The following ASMTL variants were observed in gnomAD, a reference collection of about 807,000 sequenced individuals.
ASMTL encodes the protein probable bifunctional dTTP/UTP pyrophosphatase/methyltransferase protein.
ASMTL carries 57 observed loss-of-function variants against 60.3 expected under a neutral mutation model. That is an observed-to-expected ratio of 0.95 (90% CI 0.76 to 1.18). The LOEUF is 1.18. ASMTL is among the 50% of genes most tolerant of loss of function. The probability of loss-of-function intolerance (pLI) is 0.00; values close to 1 mark genes in which losing one functional copy is unlikely to be tolerated. For synonymous variants in ASMTL, 419 were observed against 373.0 expected (o/e 1.12, Z -1.42); for missense variants, 981 against 852.6 (o/e 1.15, Z -1.88).
In ASMTL at chrX:1,431,584, T is replaced by C. The variant is rs185619928; in HGVS notation, c.509+685A>G. 1.9e-4 allele frequency among the ~76,000 whole-genome samples: 28 copies of C among 144,902 alleles called. 1 individual carries two copies. The East Asian group carries it at 5.3e-3, about 28-fold the overall frequency. On this transcript the variant is annotated intron_variant, in intron 6 of 12. Transcript: ENST00000381317. ...TATAATATCTATATGTAATATAGTA[T>C]ACATATTACAGTATAATCTATTATA...
chrX:1,453,100 T>G (rs182858022), upstream of ASMTL, among the ~76,000 whole-genome samples: 1 of 124,008 alleles, frequency 8.1e-6, no homozygotes, highest in African/African-American at 4.9e-5. Context: ...GCCACGCCCA[T>G]GTCACGCCCC....
intron 8 of ASMTL, among the ~76,000 whole-genome samples, chrX:1,422,214 C>T (rs1178179565): frequency 6.6e-6 from 1 of 152,122 alleles, no homozygotes; most frequent in Non-Finnish European, 1.5e-5. Flanking sequence ...TGTGCTGTAG[C>T]TGGCGTTTGC....
chrX:1,420,767 A>G (rs2090463892), intron 9 of ASMTL, among the ~76,000 whole-genome samples: 1 of 152,174 alleles, frequency 6.6e-6, no homozygotes, highest in Admixed American at 6.5e-5. Flanking sequence ...GAAACAGGGC[A>G]TTCATTTAAG....
At chrX:1,419,258 C>T (rs2090407503) in intron 9 of ASMTL, 144 bp from the exon 10 acceptor site, 10 of 910,194 alleles carry the variant, frequency 1.1e-5, no homozygotes, top group South Asian at 9.8e-5. Flanking sequence ...GGCTTCATGC[C>T]ACAGCTGTGT....
At position 1,419,048 on chromosome X, in the gene ASMTL, G is replaced by A; in HGVS notation, c.1312C>T (p.Leu438=). Residue 438 remains leucine (L), a synonymous_variant, in exon 10 of 13, where the codon CTG becomes TTG. Transcript: ENST00000381317. The part of the protein sequence containing the change: ...FMRAMHGMTK[L]TACQVATAFN... ...GCCGTGGCCACCTGGCACGCAGTCA[G>A]CTTCGTCATGCCGTGCATGGCCCGC... is the stretch of plus-strand genomic sequence containing the variant. The A allele has an allele frequency of 6.2e-7, 1 of 1,611,530 alleles. No homozygotes were observed. The highest frequency in any genetic ancestry group is 1.1e-5 in the South Asian group (1 of 90,890).
chrX:1,451,161 T>C lies in ASMTL; in HGVS notation c.93+1587A>G, dbSNP rs60479281. On this transcript the variant is annotated intron_variant, in intron 1 of 12. Coordinates refer to ENST00000381317, the MANE Select transcript of ASMTL (RefSeq NM_004192.4). The stretch of plus-strand genomic sequence containing the variant: ...TTCCTAGGGGGTCCTGGGACACTCC[T>C]CCCTCCCCATCCCTAGGGGGTCCTG... Among the ~76,000 whole-genome samples, 12 of 3,468 alleles carry C rather than the reference T, an allele frequency of 3.5e-3. 1 individual carries two copies. The highest frequency in any genetic ancestry group is 8.9e-3 in the South Asian group (1 of 112). The allele number at this position is 3,468 out of a possible 152,430, so 2.3% of individuals were successfully genotyped here.
chrX:1,435,235 C>A (rs1205084571), intron 4 of ASMTL, 152 bp from the exon 5 acceptor site: 42 of 832,312 alleles, frequency 5.0e-5, no homozygotes, highest in Non-Finnish European at 4.6e-5. Context: ...GTGGGGTCTC[C>A]AGGGAAACCT....
At chrX:1,414,353 T>A (rs2090157051) in intron 11 of ASMTL, among the ~76,000 whole-genome samples, 1 of 151,888 alleles carries the variant, frequency 6.6e-6, no homozygotes, top group Non-Finnish European at 1.5e-5. Context: ...GAGTGTGCGG[T>A]GGGAAGTCTC....
chrX:1,444,201 T>A (rs1310865945), intron 1 of ASMTL, among the ~76,000 whole-genome samples: 1 of 123,590 alleles, frequency 8.1e-6, no homozygotes, highest in Non-Finnish European at 1.6e-5. Flanking sequence ...GCTGAGCCAC[T>A]TTTTGTATTT....
intron 9 of ASMTL, 153 bp from the exon 10 acceptor site, chrX:1,419,267 G>T: frequency 5.6e-6 from 2 of 357,406 alleles, no homozygotes; most frequent in Non-Finnish European, 7.8e-6. Flanking sequence ...CCACAGCTGT[G>T]TGGGCTACTC....
intron 12 of ASMTL, among the ~76,000 whole-genome samples, chrX:1,405,737 G>C (rs2089803008): frequency 6.6e-6 from 1 of 151,870 alleles, no homozygotes; most frequent in South Asian, 2.1e-4. Context: ...GGATGAGATG[G>C]ATGGATGGGT....
At chrX:1,405,557 AGATG>A (rs2089790914) in intron 12 of ASMTL, among the ~76,000 whole-genome samples, 1 of 149,528 alleles carries the variant, frequency 6.7e-6, no homozygotes, top group Non-Finnish European at 1.5e-5. Context: ...ATGGATGGAT[AGATG>A]GATGCATGCA....
rs768866350 is a variant in ASMTL, at chrX:1,403,485, G to A, written c.1650C>T (p.Ala550=). 142 of 1,612,700 alleles carry A rather than the reference G, an allele frequency of 8.8e-5. 2 individuals carry two copies. Among genetic ancestry groups the A allele is most frequent in the South Asian group, 7.8e-4 (71 of 91,078 alleles). The change falls in exon 13 of 13, where the codon GCC becomes GCT. Residue 550 remains alanine, a synonymous_variant. Coordinates refer to ENST00000381317, the MANE Select transcript of ASMTL (RefSeq NM_004192.4). ...GGAGCGTCTCCACCAGCAGCAGGCC[G>A]GCCCCTGAGGGAGACAGCAGAGAGC... ...SRVAESCKPG[A]GLLLVETLLD...
intron 6 of ASMTL, among the ~76,000 whole-genome samples, chrX:1,431,144 A>ATG (rs1275930592): frequency 7.8e-6 from 1 of 127,454 alleles, no homozygotes. Flanking sequence ...AATTATATAT[A>ATG]TAATTATATA....
At chrX:1,427,323 T>C (rs151043796) in intron 7 of ASMTL, among the ~76,000 whole-genome samples, 1,963 of 151,896 alleles carry the variant, frequency 0.013, 18 homozygotes, top group South Asian at 0.025. Flanking sequence ...TCTGTCCATA[T>C]CCTGATCCCC....
intron 11 of ASMTL, chrX:1,413,663 AAATAGGG>A (rs1280788761): frequency 6.6e-6 from 1 of 152,316 alleles, no homozygotes. Flanking sequence ...CCTTATCTGG[AAATAGGG>A]TCTCTATGGA....
chrX:1,437,945 G>C (rs1292705058), intron 3 of ASMTL, among the ~76,000 whole-genome samples: 1 of 151,156 alleles, frequency 6.6e-6, no homozygotes, highest in Non-Finnish European at 1.5e-5. Context: ...ATTAAGATGC[G>C]GTTGGACAGA....
Position 1,425,379 on chromosome X carries a change from A to C in ASMTL, c.1060+146T>G, listed in dbSNP as rs5949075. The C allele has an allele frequency of 0.73, 704,696 of 971,638 alleles. 258,158 individuals are homozygous for C. The highest frequency in any genetic ancestry group is 0.86 in the South Asian group (49,239 of 57,206). 60.2% of individuals were successfully genotyped at this position (971,638 alleles called of 1,614,324 possible). On this transcript the variant is annotated intron_variant, in intron 8 of 12. Coordinates refer to ENST00000381317, the MANE Select transcript of ASMTL (RefSeq NM_004192.4). ...TCTGTCATTCACCCTCTGCTTCTCAACCTTTCGGGAAAAGCAGCATTCCTG... is the reference window on the plus strand; with the variant it reads ...TCTGTCATTCACCCTCTGCTTCTCACCCTTTCGGGAAAAGCAGCATTCCTG...
intron 11 of ASMTL, 97 bp from the exon 12 acceptor site, chrX:1,412,951 G>A: frequency 7.3e-7 from 1 of 1,371,938 alleles, no homozygotes; most frequent in East Asian, 2.4e-5. Flanking sequence ...CTAAATCAGG[G>A]ACAGAGAAGA....
Sources: allele counts gnomAD v4.1 joint callset (sites outside exome capture counted in the v4.1 genomes callset), GRCh38; gene constraint gnomAD v4.1.1; transcripts MANE v1.5; gene names NCBI Gene and HGNC (gene_info 2026-07-23, HGNC 2026-07-21).